The following CPAMD8 variants were observed in gnomAD, a reference collection of about 807,000 sequenced individuals.
CPAMD8 encodes C3 and PZP like alpha-2-macroglobulin domain containing 8, also known as C3 and PZP-like alpha-2-macroglobulin domain-containing protein 8.
In CPAMD8, 146 loss-of-function variants were observed where a neutral mutation model predicts 224.7. The observed-to-expected ratio is 0.65, with a 90% CI of 0.57 to 0.75. CPAMD8 has a LOEUF of 0.75. Among genes scored for constraint, CPAMD8 ranks in the 30% least tolerant of loss-of-function variants. The pLI is 0.00. For missense variants in CPAMD8, 2,301 were observed against 2,537.5 expected, an observed-to-expected ratio of 0.91 and a Z score of 2.00; for synonymous variants, 966 against 1,044.6, an observed-to-expected ratio of 0.92 and a Z score of 1.45.
intron 23 of CPAMD8, among the ~76,000 whole-genome samples, chr19:16,936,282 C>T (rs2053680804): frequency 6.6e-6 from 1 of 152,044 alleles, no homozygotes; most frequent in Admixed American, 6.6e-5. Context: ...TGTCATTATG[C>T]TGTAATTTGC....
rs943850243 is a variant in CPAMD8, at chr19:16,929,948, C to T, written c.2846-708G>A. On this transcript the variant is annotated intron_variant, in intron 23 of 41. Coordinates refer to ENST00000443236, the MANE Select transcript of CPAMD8 (RefSeq NM_015692.5). Reference sequence around the variant, plus strand: ...TTTGGAGAAATTGCTAACTGGATTCCAAAATTTATACAGACACGCAAAGGA... The same window carrying T: ...TTTGGAGAAATTGCTAACTGGATTCTAAAATTTATACAGACACGCAAAGGA... 5.9e-5 allele frequency among the ~76,000 whole-genome samples: 9 copies of T among 151,980 alleles called. No homozygotes were observed. The East Asian group carries it at 1.7e-3, about 29-fold the overall frequency.
In CPAMD8 at chr19:16,902,820, GCTGGCTT is replaced by G; in HGVS notation, c.4507_4513del (p.Lys1503LeufsTer6). Reference sequence around the variant, plus strand: ...CTGGAGGCTTACGAGCAGCTGGAAAGCTGGCTTGGCCACCGGGTCAGGCACATTGTAG... The same window carrying G: ...CTGGAGGCTTACGAGCAGCTGGAAAGGGCCACCGGGTCAGGCACATTGTAG... On this transcript the variant is annotated frameshift_variant, in exon 35 of 42. Transcript: ENST00000443236. LOFTEE classifies it high-confidence loss of function. 1 of 1,564,750 alleles carries G rather than the reference GCTGGCTT, an allele frequency of 6.4e-7. No homozygotes were observed. The highest frequency in any genetic ancestry group is 8.7e-7 in the Non-Finnish European group (1 of 1,152,120).
chr19:16,954,801 G>A (rs1028009755), intron 19 of CPAMD8, among the ~76,000 whole-genome samples: 6 of 152,008 alleles, frequency 3.9e-5, no homozygotes, highest in Non-Finnish European at 8.8e-5. Context: ...TGGTCAACAT[G>A]GTGAAACCCC....
intron 27 of CPAMD8, among the ~76,000 whole-genome samples, chr19:16,919,366 G>C (rs750030923): frequency 6.6e-5 from 10 of 152,232 alleles, no homozygotes; most frequent in Non-Finnish European, 1.3e-4. Context: ...CACTCAAGTA[G>C]TCCCTATGGA....
chr19:17,011,548 C>G (rs201986025), intron 4 of CPAMD8, 32 bp from the exon 5 acceptor site: 1 of 1,614,192 alleles, frequency 6.2e-7, no homozygotes, highest in Non-Finnish European at 8.5e-7. Context: ...TGTGACACCT[C>G]CAGACCATGG....
At chr19:16,975,333 C>A in intron 16 of CPAMD8, 75 bp from the exon 17 acceptor site, 1 of 1,188,082 alleles carries the variant, frequency 8.4e-7, no homozygotes, top group Non-Finnish European at 1.2e-6. Flanking sequence ...GTGGGTGTGG[C>A]ATGCTCCCAT....
At position 16,918,985 on chromosome 19, in the gene CPAMD8, C is replaced by T. The variant is rs774300469; in HGVS notation, c.3629+2920G>A. ...TGGGAGGCTGAGGTGGGCAGATCAC[C>T]TGAGGTCAGGAATTCGAGACCAGCC... On this transcript the variant is annotated intron_variant, in intron 27 of 41. Coordinates refer to ENST00000443236, the MANE Select transcript of CPAMD8 (RefSeq NM_015692.5). 3.3e-5 allele frequency among the ~76,000 whole-genome samples: 5 copies of T among 152,020 alleles called. No homozygotes were observed. The South Asian group carries it at 8.3e-4, about 25-fold the overall frequency.
In CPAMD8 at chr19:16,973,812, C is replaced by T. The variant is rs115859239; in HGVS notation, c.2070+1285G>A. Among the ~76,000 whole-genome samples the T allele has an allele frequency of 7.4e-3, 1,118 of 150,592 alleles. 21 individuals are homozygous for T. The highest frequency in any genetic ancestry group is 0.025 in the African/African-American group (1,041 of 40,940). On this transcript the variant is annotated intron_variant, in intron 17 of 41. Transcript: ENST00000443236. The stretch of plus-strand genomic sequence containing the variant: ...CATGAAAACGTCCAGAGATGGGCAC[C>T]TGATAGCATTAGCCCTTTTTTTTTT...
intron 24 of CPAMD8, 82 bp from the exon 25 acceptor site, chr19:16,928,316 GC>G: frequency 8.7e-7 from 1 of 1,151,416 alleles, no homozygotes; most frequent in Non-Finnish European, 1.3e-6. Context: ...CAGCTTTGTG[GC>G]CAGGGTCAGA....
At position 16,895,903 on chromosome 19, in the gene CPAMD8, GCACA is replaced by G. The variant is rs57280906; in HGVS notation, c.5426+269_5426+272del. 736 of 521,290 alleles carry G rather than the reference GCACA, an allele frequency of 1.4e-3. 1 individual carries two copies. Among genetic ancestry groups the G allele is most frequent in the East Asian group, 3.0e-3 (74 of 24,716 alleles). 32.3% of individuals were successfully genotyped at this position (521,290 alleles called of 1,614,324 possible). ...CCCGTATGCGCGCGCGCGCGCGCACGCACACACACACACACACACACACACGCGC... is the reference window on the plus strand; with the variant it reads ...CCCGTATGCGCGCGCGCGCGCGCACGCACACACACACACACACACACGCGC... On this transcript the variant is annotated intron_variant, in intron 41 of 41. Transcript: ENST00000443236.
chr19:16,902,224 T>C (rs1362504586), intron 35 of CPAMD8, among the ~76,000 whole-genome samples: 1 of 151,980 alleles, frequency 6.6e-6, no homozygotes, highest in Non-Finnish European at 1.5e-5. Flanking sequence ...CTTTCATTCA[T>C]TTCAAAAACT....
chr19:16,893,664 C>G (rs1459311480), intron 41 of CPAMD8: 6 of 267,190 alleles, frequency 2.2e-5, no homozygotes, highest in South Asian at 2.7e-4. Flanking sequence ...CCAAGGCAGG[C>G]AGGTTCTGGG....
chr19:16,984,452 A>C (rs1272573704), intron 13 of CPAMD8, among the ~76,000 whole-genome samples: 1 of 152,186 alleles, frequency 6.6e-6, no homozygotes, highest in African/African-American at 2.4e-5. Context: ...TCTTAAAAGA[A>C]AACACAGAGA....
intron 39 of CPAMD8, chr19:16,896,895 GGA>G (rs1426796502): frequency 2.6e-6 from 1 of 389,718 alleles, no homozygotes; most frequent in African/African-American, 2.1e-5. Context: ...AGCGGTTGTA[GGA>G]GAGAAAGGAG....
intron 6 of CPAMD8, 190 bp downstream of exon 6, chr19:17,009,113 C>G (rs116426549): frequency 1.3e-6 from 1 of 792,806 alleles, no homozygotes; most frequent in African/African-American, 1.7e-5. Flanking sequence ...AAAAAGGAAA[C>G]GGACAGACAC....
In CPAMD8 at chr19:16,899,600, C is replaced by G. The variant is rs1233895101; in HGVS notation, c.4774-51G>C. The stretch of plus-strand genomic sequence containing the variant: ...TCCTCAGACTCTCTACTTGCTTCCT[C>G]TCCCATCCCCTGGGGGCAGTGGTCA... On this transcript the variant is annotated intron_variant, in intron 36 of 41. Transcript: ENST00000443236. This position sits in a 1 kb window ranked among gnomAD's most constrained non-coding sequence, Gnocchi z 5.4. 1.1e-6 allele frequency: 1 copy of G among 870,544 alleles called. No individual in the cohort carries two copies. Among genetic ancestry groups the G allele is most frequent in the Admixed American group, 1.7e-5 (1 of 58,674 alleles). 53.9% of individuals were successfully genotyped at this position (870,544 alleles called of 1,614,324 possible).
intron 18 of CPAMD8, among the ~76,000 whole-genome samples, chr19:16,967,899 G>GTA (rs1310957370): frequency 2.2e-5 from 3 of 139,032 alleles, no homozygotes; most frequent in Non-Finnish European, 3.1e-5. Flanking sequence ...ACATGTGTGT[G>GTA]TATATATGTG....
rs2053213845 is a variant in CPAMD8, at chr19:16,922,480, G to A, written c.3548-494C>T. 1.3e-5 allele frequency among the ~76,000 whole-genome samples: 2 copies of A among 149,298 alleles called. 1 individual carries two copies. The highest frequency in any genetic ancestry group is 4.3e-4 in the South Asian group (2 of 4,686). Reference sequence around the variant, plus strand: ...GGAACTGCTCCACACCACACCTGGGGTCCCTGAAACTGCCCCACACTACAT... The same window carrying A: ...GGAACTGCTCCACACCACACCTGGGATCCCTGAAACTGCCCCACACTACAT... On this transcript the variant is annotated intron_variant, in intron 26 of 41. Transcript: ENST00000443236.
chr19:16,971,592 G>A (rs2055065042), intron 17 of CPAMD8, among the ~76,000 whole-genome samples: 1 of 152,170 alleles, frequency 6.6e-6, no homozygotes. Flanking sequence ...GGCTGAGGGA[G>A]GGGAAATGGG....
Sources: allele counts gnomAD v4.1 joint callset (sites outside exome capture counted in the v4.1 genomes callset), GRCh38; gene constraint gnomAD v4.1.1; non-coding constraint Gnocchi (gnomAD v3.1); transcripts MANE v1.5; gene names NCBI Gene and HGNC (gene_info 2026-07-23, HGNC 2026-07-21).